Variants in RIMS1 observed in about 807,000 individuals in gnomAD.
RIMS1 encodes regulating synaptic membrane exocytosis 1, also known as regulating synaptic membrane exocytosis protein 1.
Under a neutral mutation model 214.1 loss-of-function variants are expected in RIMS1, and 83 were observed. The ratio of observed to expected loss-of-function variants is 0.39; its 90% CI spans 0.32 to 0.47. The LOEUF is 0.47. Ranked by LOEUF, RIMS1 falls within the 20% of genes least tolerant of loss-of-function variation. RIMS1 has a pLI of 0.99. For synonymous variants in RIMS1, 793 were observed against 786.8 expected (o/e 1.01, Z -0.13); for missense variants, 2,050 against 2,161.8 (o/e 0.95, Z 1.03).
At chr6:72,132,519 G>A (rs891996036) in intron 4 of RIMS1, among the ~76,000 whole-genome samples, 1 of 152,092 alleles carries the variant, frequency 6.6e-6, no homozygotes, top group Non-Finnish European at 1.5e-5. Context: ...TTGCATATGT[G>A]TATGTCATAT....
rs774184109 is a variant in RIMS1 at position 72,390,602 on chromosome 6, G to A, written c.4371G>A (p.Ser1457=). 1.9e-5 allele frequency: 31 copies of A among 1,611,714 alleles called. No homozygotes were observed. Among genetic ancestry groups the A allele is most frequent in the African/African-American group, 1.9e-4 (14 of 74,814 alleles). ...RSTSQLSQTE[S]GHKKLKSTIQ... is the part of the protein sequence containing the mutation. ...TCTTTTACTCTCTCCTGTCAGAGTC[G>A]GGCCACAAAAAGTTAAAAAGTACCA... Residue 1457 remains serine (S), a synonymous_variant, in exon 30 of 34, where the codon TCG becomes TCA. Coordinates refer to ENST00000521978, the MANE Select transcript of RIMS1 (RefSeq NM_014989.7).
intron 29 of RIMS1, among the ~76,000 whole-genome samples, chr6:72,376,114 TAAATC>T (rs1168587052): frequency 6.6e-6 from 1 of 152,214 alleles, no homozygotes; most frequent in Non-Finnish European, 1.5e-5. Flanking sequence ...AATCTCTTCT[TAAATC>T]AAATCTTTGT....
intron 2 of RIMS1, among the ~76,000 whole-genome samples, chr6:72,092,771 A>T (rs1836644627): frequency 6.6e-6 from 1 of 152,064 alleles, no homozygotes; most frequent in Non-Finnish European, 1.5e-5. Context: ...GGAGAAGAAC[A>T]TGGTGCCCTG....
Position 72,182,725 on chromosome 6 carries a change from G to T in RIMS1, c.1254G>T (p.Arg418Ser). 2 of 1,533,942 alleles carry T rather than the reference G, an allele frequency of 1.3e-6. No individual in the cohort carries two copies. The highest frequency in any genetic ancestry group is 8.7e-7 in the Non-Finnish European group (1 of 1,143,276). ...GCAAACGCGCGCCGGCGGCAGCCAG[G>T]GCCTCGCCGCCGGACTCGCCGCGGG... is the stretch of plus-strand genomic sequence containing the variant. ...KAGKRAPAAA[R>S]ASPPDSPRAY... Residue 418 changes from arginine to serine, a missense_variant, in exon 6 of 34, where the codon AGG becomes AGT. This residue lies in a region of RIMS1 where 882 missense variants were observed against 828.9 expected (regional missense o/e 1.06). Transcript: ENST00000521978.
intron 1 of RIMS1, among the ~76,000 whole-genome samples, chr6:71,888,644 G>C (rs1305072248): frequency 1.3e-5 from 2 of 152,222 alleles, no homozygotes; most frequent in African/African-American, 4.8e-5. Flanking sequence ...CTCAGATAGG[G>C]GAGGGGGATA....
intron 26 of RIMS1, among the ~76,000 whole-genome samples, chr6:72,300,403 A>C (rs2094496397): frequency 6.6e-6 from 1 of 151,842 alleles, no homozygotes; most frequent in South Asian, 2.1e-4. Context: ...ACAGGAAAAG[A>C]CTTTCAAAAA....
intron 29 of RIMS1, among the ~76,000 whole-genome samples, chr6:72,353,022 A>G (rs1360054453): frequency 3.0e-5 from 4 of 133,790 alleles, no homozygotes; most frequent in Admixed American, 1.7e-4. Flanking sequence ...TGGAGTGTCA[A>G]TCTTGTTGCC....
chr6:72,400,316 A>C (rs148512909), intron 33 of RIMS1, among the ~76,000 whole-genome samples, 180 bp from the exon 34 acceptor site: 5 of 152,190 alleles, frequency 3.3e-5, no homozygotes, highest in Non-Finnish European at 7.3e-5. Context: ...TGAAGTGTCT[A>C]TGAGCACCTT....
At chr6:71,979,696 A>C (rs1052884125) in intron 2 of RIMS1, among the ~76,000 whole-genome samples, 2 of 152,134 alleles carry the variant, frequency 1.3e-5, no homozygotes, top group African/African-American at 2.4e-5. Context: ...GGAATGATGT[A>C]AAAATGCATA....
intron 7 of RIMS1, among the ~76,000 whole-genome samples, chr6:72,234,147 TTTAA>T (rs2063138530): frequency 1.3e-5 from 2 of 151,966 alleles, no homozygotes; most frequent in Admixed American, 1.3e-4. Context: ...ATTTTTAAAT[TTTAA>T]TTAATTCCAT....
intron 4 of RIMS1, among the ~76,000 whole-genome samples, chr6:72,158,203 C>T (rs1386093234): frequency 7.1e-6 from 1 of 140,854 alleles, no homozygotes; most frequent in African/African-American, 2.5e-5. Flanking sequence ...TCTGGTAACA[C>T]ATTCACTTTT....
At chr6:71,947,197 T>C (rs975342540) in intron 1 of RIMS1, among the ~76,000 whole-genome samples, 5 of 152,070 alleles carry the variant, frequency 3.3e-5, no homozygotes, top group African/African-American at 1.2e-4. Context: ...AATGCCACTA[T>C]TGGATATATA....
intron 2 of RIMS1, among the ~76,000 whole-genome samples, chr6:72,055,432 A>G (rs932981505): frequency 1.3e-5 from 2 of 152,318 alleles, no homozygotes; most frequent in East Asian, 1.9e-4. Context: ...TAACCCAAAG[A>G]CATTTTCAAA....
chr6:72,375,300 C>T (rs376119392), intron 29 of RIMS1, among the ~76,000 whole-genome samples: 1 of 152,208 alleles, frequency 6.6e-6, no homozygotes, highest in African/African-American at 2.4e-5. Flanking sequence ...TCTCTTCTTA[C>T]ATTTTACAGA....
chr6:72,320,768 A>T (rs932654834), intron 28 of RIMS1, among the ~76,000 whole-genome samples: 1 of 152,058 alleles, frequency 6.6e-6, no homozygotes, highest in African/African-American at 2.4e-5. Flanking sequence ...CATTATATAG[A>T]TTGTCCAGGG....
chr6:72,102,875 G>C (rs1214511742), intron 4 of RIMS1, among the ~76,000 whole-genome samples: 3 of 152,098 alleles, frequency 2.0e-5, no homozygotes, highest in Non-Finnish European at 4.4e-5. Context: ...GTTATGAAAA[G>C]TCTTCTCAGA....
intron 3 of RIMS1, among the ~76,000 whole-genome samples, chr6:72,098,170 TA>T (rs1475357097): frequency 6.6e-6 from 1 of 152,240 alleles, no homozygotes; most frequent in African/African-American, 2.4e-5. Context: ...ACATTACAGT[TA>T]AATTTAAAAC....
intron 6 of RIMS1, among the ~76,000 whole-genome samples, chr6:72,198,488 A>G (rs1004158248): frequency 6.6e-6 from 1 of 151,972 alleles, no homozygotes; most frequent in Non-Finnish European, 1.5e-5. Flanking sequence ...TAATTACCAG[A>G]CATGGGGAAG....
intron 2 of RIMS1, among the ~76,000 whole-genome samples, chr6:72,023,795 A>G (rs1815474110): frequency 6.6e-6 from 1 of 152,198 alleles, no homozygotes; most frequent in South Asian, 2.1e-4. Context: ...TATTTACTTC[A>G]TAGAGATATT....
Sources: allele counts gnomAD v4.1 joint callset (sites outside exome capture counted in the v4.1 genomes callset), GRCh38; gene constraint gnomAD v4.1.1; regional missense constraint gnomAD v4.1.1; transcripts MANE v1.5; gene names NCBI Gene and HGNC (gene_info 2026-07-23, HGNC 2026-07-21).